The following STON2 variants were observed in gnomAD, a reference collection of about 807,000 sequenced individuals.
STON2 encodes the protein stonin 2, also known as stonin-2.
Under a neutral mutation model 65.7 loss-of-function variants are expected in STON2, and 29 were observed. The observed-to-expected ratio is 0.44, with a 90% CI of 0.33 to 0.60. The LOEUF (loss-of-function observed/expected upper bound fraction) is 0.60. STON2 is among the 20% of genes least tolerant of loss of function. The pLI is 0.03. For missense variants in STON2, 1,054 were observed against 1,118.1 expected (o/e 0.94, Z 0.82); for synonymous variants, 404 against 414.2 (o/e 0.98, Z 0.30).
At chr14:81,372,961 T>G (rs3861640) in intron 3 of STON2, among the ~76,000 whole-genome samples, 152,067 of 152,298 alleles carry the variant, frequency 1, 75,918 homozygotes, top group South Asian at 1. Flanking sequence ...TTTCTGGAGT[T>G]CTCATTGTTC....
At chr14:81,389,818 T>C (rs1392020336) in intron 3 of STON2, among the ~76,000 whole-genome samples, 1 of 152,258 alleles carries the variant, frequency 6.6e-6, no homozygotes, top group Non-Finnish European at 1.5e-5. Flanking sequence ...AGACAATAGA[T>C]GCACCTGTCA....
chr14:81,398,484 G>T lies in STON2; in HGVS notation c.-102C>A. ...AGGGGTATGGTAGTACGGTAGACTT[G>T]GGTCCAGGGTCTGTTCTAGGTGTCT... is the stretch of plus-strand genomic sequence containing the variant. On this transcript the variant is annotated 5_prime_UTR_variant, in exon 2 of 8. Transcript: ENST00000614646. The T allele has an allele frequency of 1.2e-6, 1 of 824,884 alleles. No homozygotes were observed. Among genetic ancestry groups the T allele is most frequent in the Non-Finnish European group, 2.0e-6 (1 of 493,304 alleles). 51.1% of individuals were successfully genotyped at this position (824,884 alleles called of 1,614,324 possible).
In STON2 at chr14:81,277,510, T is replaced by A. The variant is rs1183466320; in HGVS notation, c.1972A>T (p.Ile658Phe). The A allele has an allele frequency of 6.2e-7, 1 of 1,614,138 alleles. No individual in the cohort carries two copies. Residue 658 changes from isoleucine (I) to phenylalanine (F), a missense_variant, in exon 6 of 8, where the codon ATC (isoleucine) becomes TTC (phenylalanine). Ile to Phe is a conservative substitution (Grantham distance 21, BLOSUM62 0). Coordinates refer to ENST00000614646, the MANE Select transcript of STON2 (RefSeq NM_001394390.1). ...GCGAGCCCAGACAGGAAACTCAGGATGTGGATCCGTGTCAAGACATGGTGC... is the reference window on the plus strand; with the variant it reads ...GCGAGCCCAGACAGGAAACTCAGGAAGTGGATCCGTGTCAAGACATGGTGC... ...LQHHVLTRIH[I>F]LSFLSGLAEC... is the part of the protein sequence containing the mutation.
At position 81,284,864 on chromosome 14, in the gene STON2, C is replaced by T. The variant is rs75887237; in HGVS notation, c.743-6125G>A. Among the ~76,000 whole-genome samples the T allele has an allele frequency of 3.7e-3, 556 of 152,244 alleles. 6 individuals are homozygous for T. The highest frequency in any genetic ancestry group is 0.013 in the African/African-American group (524 of 41,536). On this transcript the variant is annotated intron_variant, in intron 5 of 7. Transcript: ENST00000614646. ...ATTAACCATTCAAAAAATCTTAGCA[C>T]CCTTAAGAATTATGCAAATCTACCT... is the stretch of plus-strand genomic sequence containing the variant.
chr14:81,323,367 C>A (rs1401898834), intron 5 of STON2: 2 of 152,228 alleles, frequency 1.3e-5, no homozygotes, highest in Non-Finnish European at 2.9e-5. Flanking sequence ...GAATTCTCAA[C>A]ACACTATACA....
intron 5 of STON2, among the ~76,000 whole-genome samples, chr14:81,319,754 C>T (rs1157009592): frequency 6.6e-6 from 1 of 152,126 alleles, no homozygotes; most frequent in Non-Finnish European, 1.5e-5. Flanking sequence ...TAGTACAAGG[C>T]CTAGGCATCT....
chr14:81,358,962 T>C (rs1215685253), intron 4 of STON2, among the ~76,000 whole-genome samples: 2 of 152,174 alleles, frequency 1.3e-5, no homozygotes, highest in Non-Finnish European at 2.9e-5. Context: ...ATACTCTATG[T>C]TCAATAATGG....
intron 4 of STON2, among the ~76,000 whole-genome samples, chr14:81,363,894 G>C (rs1350945139): frequency 6.6e-6 from 1 of 152,132 alleles, no homozygotes; most frequent in Non-Finnish European, 1.5e-5. Context: ...CTCTGGTTTG[G>C]AGCTCTATGA....
At chr14:81,323,550 C>G (rs1302947468) in intron 5 of STON2, 1 of 152,238 alleles carries the variant, frequency 6.6e-6, no homozygotes, top group African/African-American at 2.4e-5. Flanking sequence ...CCGTTCCACA[C>G]TGAACTCCTT....
intron 2 of STON2, among the ~76,000 whole-genome samples, chr14:81,406,310 G>T (rs1900858113): frequency 1.3e-5 from 2 of 152,138 alleles, no homozygotes; most frequent in African/African-American, 4.8e-5. Context: ...ACAGGGCTTG[G>T]TTCTAGGCTT....
intron 5 of STON2, among the ~76,000 whole-genome samples, chr14:81,303,054 T>G (rs1280253376): frequency 7.0e-6 from 1 of 143,708 alleles, no homozygotes; most frequent in Non-Finnish European, 1.5e-5. Flanking sequence ...TGTACATGTG[T>G]GGGGGGTGTG....
chr14:81,346,128 T>C (rs1367164573), intron 4 of STON2, among the ~76,000 whole-genome samples: 2 of 152,202 alleles, frequency 1.3e-5, no homozygotes, highest in Non-Finnish European at 2.9e-5. Context: ...CCAATGAAAG[T>C]TGTGAAGTCA....
At chr14:81,282,714 T>A (rs537141954) in intron 5 of STON2, among the ~76,000 whole-genome samples, 2 of 152,332 alleles carry the variant, frequency 1.3e-5, no homozygotes, top group East Asian at 3.9e-4. Flanking sequence ...CAACATAGCA[T>A]TATAATAAAA....
In STON2 at chr14:81,261,944, TAAAAA is replaced by T; in HGVS notation, c.*6465_*6469del. 42 of 1,194,628 alleles carry T rather than the reference TAAAAA, an allele frequency of 3.5e-5. No homozygotes were observed. Among genetic ancestry groups the T allele is most frequent in the Admixed American group, 1.6e-4 (3 of 18,558 alleles). 74.0% of individuals were successfully genotyped at this position (1,194,628 alleles called of 1,614,324 possible). On this transcript the variant is annotated 3_prime_UTR_variant, in exon 8 of 8. Coordinates refer to ENST00000614646, the MANE Select transcript of STON2 (RefSeq NM_001394390.1). Reference sequence around the variant, plus strand: ...CTGTTTCTGTTGTCTGGGGAAATGATAAAAAAAAAAAAAAAAAAGAGAGAGATGTG... The same window carrying T: ...CTGTTTCTGTTGTCTGGGGAAATGATAAAAAAAAAAAAAGAGAGAGATGTG...
chr14:81,364,479 C>A (rs969728403), intron 4 of STON2, among the ~76,000 whole-genome samples: 6 of 152,054 alleles, frequency 3.9e-5, no homozygotes, highest in Non-Finnish European at 8.8e-5. Context: ...TGTTAGAAAA[C>A]ACTGCTAAAA....
rs183474057 is a variant in STON2, at chr14:81,271,459, G to A, written c.2582-587C>T. 3.3e-5 allele frequency among the ~76,000 whole-genome samples: 5 copies of A among 152,298 alleles called. No individual in the cohort carries two copies. In the East Asian group the frequency reaches 7.7e-4, roughly 24 times the overall value. ...ACCAACCAGCAGAACACCTGGGTTG[G>A]ACTTCCAGCTCCCCTGCTAAGCAGC... On this transcript the variant is annotated intron_variant, in intron 6 of 7. Coordinates refer to ENST00000614646, the MANE Select transcript of STON2 (RefSeq NM_001394390.1).
intron 4 of STON2, among the ~76,000 whole-genome samples, chr14:81,345,260 T>C (rs1897767439): frequency 6.6e-6 from 1 of 152,192 alleles, no homozygotes. Flanking sequence ...TACCTCAGAA[T>C]TGTGACTGTA....
In STON2 at chr14:81,287,177, G is replaced by A. The variant is rs754518562; in HGVS notation, c.743-8438C>T. ...CAAGCTTATCAAGGGAGCTTCTAAC[G>A]TGCGTAAAATATGCTGGAATCTACT... On this transcript the variant is annotated intron_variant, in intron 5 of 7. Coordinates refer to ENST00000614646, the MANE Select transcript of STON2 (RefSeq NM_001394390.1). Among the ~76,000 whole-genome samples, 40 of 152,160 alleles carry A rather than the reference G, an allele frequency of 2.6e-4. 1 individual carries two copies. The highest frequency in any genetic ancestry group is 6.2e-4 in the South Asian group (3 of 4,830).
At chr14:81,363,394 C>T (rs1202684347) in intron 4 of STON2, among the ~76,000 whole-genome samples, 1 of 152,080 alleles carries the variant, frequency 6.6e-6, no homozygotes, top group Non-Finnish European at 1.5e-5. Flanking sequence ...TATCACATAG[C>T]TTACTTTTCT....
Sources: allele counts gnomAD v4.1 joint callset (sites outside exome capture counted in the v4.1 genomes callset), GRCh38; gene constraint gnomAD v4.1.1; transcripts MANE v1.5; gene names NCBI Gene and HGNC (gene_info 2026-07-23, HGNC 2026-07-21).